EFCAB14: variants seen among roughly 807,000 people sequenced by gnomAD.
EFCAB14 encodes the protein EF-hand calcium-binding domain-containing protein 14.
A neutral mutation model predicts 56.5 loss-of-function variants in EFCAB14; 43 were observed. The observed-to-expected ratio is 0.76, with a 90% CI of 0.60 to 0.98. The LOEUF (loss-of-function observed/expected upper bound fraction) is 0.98. EFCAB14 is among the 50% of genes least tolerant of loss of function. The pLI is 0.00. For missense variants in EFCAB14, 538 were observed against 580.3 expected, an observed-to-expected ratio of 0.93 and a Z score of 0.75; for synonymous variants, 235 against 212.9, an observed-to-expected ratio of 1.10 and a Z score of -0.90.
intron 8 of EFCAB14, among the ~76,000 whole-genome samples, chr1:46,686,303 A>C (rs1040234527): frequency 2.0e-5 from 3 of 152,248 alleles, no homozygotes; most frequent in Non-Finnish European, 4.4e-5. Context: ...GCAATACAAA[A>C]ATAGGAAATA....
intron 1 of EFCAB14, 149 bp from the exon 2 acceptor site, chr1:46,716,592 G>T: frequency 1.2e-6 from 1 of 846,708 alleles, no homozygotes; most frequent in Non-Finnish European, 1.8e-6. Flanking sequence ...GCACTTAAAT[G>T]AATAAATAAT....
chr1:46,699,769 C>T (rs1298299575), intron 3 of EFCAB14, among the ~76,000 whole-genome samples: 1 of 152,236 alleles, frequency 6.6e-6, no homozygotes, highest in Non-Finnish European at 1.5e-5. Flanking sequence ...GTGAAACCTA[C>T]TTCCCCTTCC....
intron 3 of EFCAB14, among the ~76,000 whole-genome samples, chr1:46,699,051 T>C (rs1029627042): frequency 6.6e-5 from 10 of 151,902 alleles, no homozygotes; most frequent in Non-Finnish European, 8.8e-5. Flanking sequence ...GTGGGGAAGA[T>C]AGAAGAATTA....
intron 3 of EFCAB14, among the ~76,000 whole-genome samples, chr1:46,700,980 T>TGAGG (rs1677146267): frequency 9.4e-6 from 1 of 106,398 alleles, no homozygotes; most frequent in African/African-American, 3.7e-5. Context: ...AGAGAGAGAG[T>TGAGG]GAGTGAGTGT....
chr1:46,691,724 C>T (rs1277078639), intron 5 of EFCAB14, 103 bp downstream of exon 5: 3 of 695,536 alleles, frequency 4.3e-6, no homozygotes, highest in Non-Finnish European at 7.4e-6. Flanking sequence ...ATCTTTTGAA[C>T]AGATGCATAG....
chr1:46,678,270 ACAT>A lies in EFCAB14; in HGVS notation c.*188_*190del. On this transcript the variant is annotated 3_prime_UTR_variant, in exon 11 of 11. Transcript: ENST00000371933. The stretch of plus-strand genomic sequence containing the variant: ...GTTGTAGGAAATCATAGATTTCTGA[ACAT>A]CATAAGTAAAATGGTCTTCTTCTTT... 4.3e-6 allele frequency: 2 copies of A among 466,170 alleles called. No homozygotes were observed. The highest frequency in any genetic ancestry group is 7.4e-6 in the Non-Finnish European group (2 of 271,022). 28.9% of individuals were successfully genotyped at this position (466,170 alleles called of 1,614,324 possible).
chr1:46,699,107 T>C (rs992875746), intron 3 of EFCAB14, among the ~76,000 whole-genome samples: 1 of 152,140 alleles, frequency 6.6e-6, no homozygotes, highest in African/African-American at 2.4e-5. Context: ...TCAATATAAC[T>C]GAGAGACAAG....
chr1:46,713,236 A>G (rs1236084656), intron 2 of EFCAB14, among the ~76,000 whole-genome samples: 3 of 152,130 alleles, frequency 2.0e-5, no homozygotes. Flanking sequence ...AATGTCAGGA[A>G]GACATTGCAG....
At chr1:46,711,961 T>C (rs1452231510) in intron 2 of EFCAB14, among the ~76,000 whole-genome samples, 1 of 152,204 alleles carries the variant, frequency 6.6e-6, no homozygotes, top group African/African-American at 2.4e-5. Flanking sequence ...ACAGAATTAC[T>C]ATACAGTGTG....
At chr1:46,692,336 T>C (rs950713852) in intron 4 of EFCAB14, among the ~76,000 whole-genome samples, 7 of 152,246 alleles carry the variant, frequency 4.6e-5, no homozygotes, top group Non-Finnish European at 8.8e-5. Flanking sequence ...CTATCACAGT[T>C]TATCTCTCCC....
rs1197283120 is a variant in EFCAB14, at chr1:46,708,046, A to G, written c.340T>C (p.Ser114Pro). Residue 114 changes from serine to proline, a missense_variant, in exon 3 of 11, where the codon TCT (serine) becomes CCT (proline). Transcript: ENST00000371933. ...ALKEKFRTME[S>P]NQKSSFQEIP... The stretch of plus-strand genomic sequence containing the variant: ...TCTTGGAATGAGCTTTTCTGATTAG[A>G]TTCCACTAAAAAGACAAAATAAGAA... 2 of 1,610,912 alleles carry G rather than the reference A, an allele frequency of 1.2e-6. No individual in the cohort carries two copies. The highest frequency in any genetic ancestry group is 1.7e-4 in the Middle Eastern group (1 of 6,054).
intron 3 of EFCAB14, among the ~76,000 whole-genome samples, chr1:46,700,084 A>G (rs1479632368): frequency 3.9e-5 from 6 of 152,202 alleles, no homozygotes; most frequent in Non-Finnish European, 8.8e-5. Context: ...GCAACCTTAG[A>G]GATCTTGGCC....
At position 46,716,394 on chromosome 1, in the gene EFCAB14, CA is replaced by C. The variant is rs1448656604; in HGVS notation, c.234del (p.Phe78LeufsTer70). 1 of 1,613,820 alleles carries C rather than the reference CA, an allele frequency of 6.2e-7. No homozygotes were observed. Among genetic ancestry groups the C allele is most frequent in the East Asian group, 2.2e-5 (1 of 44,868 alleles). ...GCCACAACACAGGCAGCAAGGATGACAAAACCACAGAGCGGATAACAGATCT... is the reference window on the plus strand; with the variant it reads ...GCCACAACACAGGCAGCAAGGATGACAAACCACAGAGCGGATAACAGATCT... Reference protein sequence around the residue: ...CCKICYPLCGFVILAACVVAC... With the variant: ...CCKICYPLCGXVILAACVVAC... On this transcript the variant is annotated frameshift_variant, in exon 2 of 11. Coordinates refer to ENST00000371933, the MANE Select transcript of EFCAB14 (RefSeq NM_014774.3). LOFTEE classifies it high-confidence loss of function.
At chr1:46,684,834 G>A (rs1676853378) in intron 8 of EFCAB14, among the ~76,000 whole-genome samples, 1 of 152,178 alleles carries the variant, frequency 6.6e-6, no homozygotes, top group African/African-American at 2.4e-5. Context: ...CAGATGATCT[G>A]ATTCACTGTG....
At chr1:46,700,140 C>T (rs1677134430) in intron 3 of EFCAB14, among the ~76,000 whole-genome samples, 1 of 152,148 alleles carries the variant, frequency 6.6e-6, no homozygotes, top group Non-Finnish European at 1.5e-5. Flanking sequence ...CATATAGAAA[C>T]CGTAAGATAC....
intron 3 of EFCAB14, among the ~76,000 whole-genome samples, chr1:46,703,137 C>A (rs918577278): frequency 2.0e-5 from 3 of 150,910 alleles, no homozygotes; most frequent in Non-Finnish European, 4.4e-5. Context: ...GAGACAGAGT[C>A]TTGCTCTTGT....
chr1:46,689,453 T>C, intron 6 of EFCAB14, 134 bp downstream of exon 6: 1 of 764,538 alleles, frequency 1.3e-6, no homozygotes, highest in East Asian at 2.6e-5. Context: ...CACACATTCC[T>C]CTCTGCTCAG....
In EFCAB14 at chr1:46,688,340, A is replaced by C; in HGVS notation, c.987+13T>G. 1 of 1,611,114 alleles carries C rather than the reference A, an allele frequency of 6.2e-7. No individual in the cohort carries two copies. The highest frequency in any genetic ancestry group is 8.5e-7 in the Non-Finnish European group (1 of 1,178,066). The stretch of plus-strand genomic sequence containing the variant: ...AACACACTGCATGTCACAAAAGATC[A>C]GAAAAGGCTTACCATGCTGAAGGAC... On this transcript the variant is annotated intron_variant, in intron 7 of 10. Transcript: ENST00000371933.
At chr1:46,717,055 G>A (rs1380490758) in intron 1 of EFCAB14, among the ~76,000 whole-genome samples, 1 of 152,148 alleles carries the variant, frequency 6.6e-6, no homozygotes, top group East Asian at 1.9e-4. Context: ...ACTACTCCAG[G>A]TACCTTCTGA....
Sources: allele counts gnomAD v4.1 joint callset (sites outside exome capture counted in the v4.1 genomes callset), GRCh38; gene constraint gnomAD v4.1.1; transcripts MANE v1.5; gene names NCBI Gene and HGNC (gene_info 2026-07-23, HGNC 2026-07-21).